The following CCDC150 variants were observed in gnomAD, a reference collection of about 807,000 sequenced individuals.
CCDC150 encodes the protein coiled-coil domain-containing protein 150.
In CCDC150, 151 loss-of-function variants were observed where a neutral mutation model predicts 156.5. The ratio of observed to expected loss-of-function variants is 0.97; its 90% confidence interval spans 0.85 to 1.10. The LOEUF is 1.10. CCDC150 is among the 50% of genes least tolerant of loss of function. The probability of loss-of-function intolerance (pLI) is 0.00; values close to 1 mark genes in which losing one functional copy is unlikely to be tolerated. For missense variants in CCDC150, 1,312 were observed against 1,268.1 expected, an observed-to-expected ratio of 1.03 and a Z score of -0.53; for synonymous variants, 452 against 429.4, an observed-to-expected ratio of 1.05 and a Z score of -0.65.
intron 20 of CCDC150, among the ~76,000 whole-genome samples, chr2:196,721,243 G>A (rs998256917): frequency 1.4e-5 from 2 of 147,386 alleles, no homozygotes; most frequent in African/African-American, 2.5e-5. Context: ...AATTAAGCTG[G>A]GTCTGTTTTC....
chr2:196,641,283 T>C (rs1357789256), intron 1 of CCDC150, among the ~76,000 whole-genome samples: 1 of 152,174 alleles, frequency 6.6e-6, no homozygotes, highest in African/African-American at 2.4e-5. Context: ...AGCCGTATTC[T>C]GGTTTTATTA....
At chr2:196,683,350 A>C (rs899185306) in intron 13 of CCDC150, among the ~76,000 whole-genome samples, 1 of 152,068 alleles carries the variant, frequency 6.6e-6, no homozygotes, top group Non-Finnish European at 1.5e-5. Context: ...CTAAGCTTGC[A>C]TTCCTTGGAT....
intron 18 of CCDC150, among the ~76,000 whole-genome samples, chr2:196,719,065 G>A (rs559709117): frequency 2.0e-5 from 3 of 152,152 alleles, no homozygotes; most frequent in African/African-American, 7.2e-5. Context: ...TCTGAGGAGG[G>A]CTGTGAGTTA....
At position 196,653,325 on chromosome 2, in the gene CCDC150, A is replaced by C. The variant is rs142618778; in HGVS notation, c.177-3308A>C. Among the ~76,000 whole-genome samples the C allele has an allele frequency of 1.1e-3, 170 of 152,206 alleles. No individual in the cohort carries two copies. The East Asian group carries it at 0.023, about 20-fold the overall frequency. On this transcript the variant is annotated intron_variant, in intron 2 of 27. Coordinates refer to ENST00000389175, the MANE Select transcript of CCDC150 (RefSeq NM_001080539.2). ...AACCTTAAGTCATTTCTTTGCTCCT[A>C]TATCTTATTGTAGACTGTTAAGAGC...
Position 196,646,353 on chromosome 2 carries a change from A to C in CCDC150, c.25A>C (p.Thr9Pro). The change falls in exon 2 of 28, where the codon ACT (threonine) becomes CCT (proline). Residue 9 changes from threonine to proline, a missense_variant. Thr to Pro is a conservative substitution (Grantham distance 38). Transcript: ENST00000389175. ...ACTGTATTCTTAGGTACATATGGAA[A>C]CTACAGTGTCCAGACCGGTCCTTTC... is the stretch of plus-strand genomic sequence containing the variant. MDCKVHME[T>P]TVSRPVLSPT... 6.2e-7 allele frequency: 1 copy of C among 1,613,804 alleles called. No homozygotes were observed. Among genetic ancestry groups the C allele is most frequent in the Non-Finnish European group, 8.5e-7 (1 of 1,179,716 alleles).
intron 1 of CCDC150, among the ~76,000 whole-genome samples, chr2:196,640,977 T>TG (rs1468291372): frequency 1.2e-5 from 1 of 82,188 alleles, no homozygotes; most frequent in Non-Finnish European, 2.8e-5. Flanking sequence ...TTCTGTTTTT[T>TG]GTTTTTTTGA....
chr2:196,730,373 A>C (rs1384284709), intron 25 of CCDC150, among the ~76,000 whole-genome samples: 3 of 152,272 alleles, frequency 2.0e-5, no homozygotes, highest in Non-Finnish European at 2.9e-5. Flanking sequence ...ACATATGCAA[A>C]GTATCAGTTA....
At chr2:196,659,839 G>C (rs544539796) in intron 5 of CCDC150, among the ~76,000 whole-genome samples, 1 of 152,164 alleles carries the variant, frequency 6.6e-6, no homozygotes, top group Non-Finnish European at 1.5e-5. Flanking sequence ...ATCATTTAGT[G>C]AAATATGTTA....
intron 3 of CCDC150, 40 bp downstream of exon 3, chr2:196,656,893 G>C (rs1212400356): frequency 1.2e-6 from 2 of 1,610,658 alleles, no homozygotes; most frequent in South Asian, 2.2e-5. Context: ...GTCCTGTATA[G>C]GTGCTTGATT....
intron 7 of CCDC150, among the ~76,000 whole-genome samples, chr2:196,668,967 T>C (rs1159000253): frequency 6.6e-6 from 1 of 152,242 alleles, no homozygotes; most frequent in Non-Finnish European, 1.5e-5. Context: ...TTTCTGGCTT[T>C]AGAATATTTA....
intron 17 of CCDC150, among the ~76,000 whole-genome samples, chr2:196,716,405 T>C (rs1003462856): frequency 2.2e-4 from 33 of 152,306 alleles, no homozygotes; most frequent in African/African-American, 7.9e-4. Flanking sequence ...GTCCCTACAA[T>C]AGAATACTAA....
At chr2:196,714,606 A>G (rs1357829332) in intron 17 of CCDC150, among the ~76,000 whole-genome samples, 1 of 152,180 alleles carries the variant, frequency 6.6e-6, no homozygotes, top group Non-Finnish European at 1.5e-5. Context: ...CTTTTGATCC[A>G]GCTTTGGGAA....
intron 15 of CCDC150, among the ~76,000 whole-genome samples, chr2:196,708,473 GTGTCTTTTA>G (rs1437577492): frequency 6.6e-6 from 1 of 152,142 alleles, no homozygotes; most frequent in Non-Finnish European, 1.5e-5. Flanking sequence ...TTGCTAGTCT[GTGTCTTTTA>G]ATTGGGGCAT....
intron 11 of CCDC150, 57 bp from the exon 12 acceptor site, chr2:196,676,497 T>C: frequency 6.9e-7 from 1 of 1,453,256 alleles, no homozygotes; most frequent in Non-Finnish European, 9.4e-7. Context: ...TAATTGCTCT[T>C]TCTGTTAAAT....
intron 9 of CCDC150, 140 bp downstream of exon 9, chr2:196,672,577 C>T (rs1005924069): frequency 4.1e-6 from 2 of 490,602 alleles, no homozygotes; most frequent in African/African-American, 2.0e-5. Flanking sequence ...AGATTTATTT[C>T]ATCTTTGAAA....
chr2:196,720,807 T>A, intron 20 of CCDC150, 139 bp downstream of exon 20: 2 of 717,984 alleles, frequency 2.8e-6, no homozygotes, highest in Non-Finnish European at 2.3e-6. Context: ...GTGACATATC[T>A]ACAAATGGGA....
At chr2:196,665,896 A>C (rs2125596676) in intron 6 of CCDC150, among the ~76,000 whole-genome samples, 1 of 152,308 alleles carries the variant, frequency 6.6e-6, no homozygotes, top group Non-Finnish European at 1.5e-5. Context: ...CTCTTAATTT[A>C]TGAATCAGAG....
chr2:196,639,884 CG>C lies in CCDC150; in HGVS notation c.12+108del, dbSNP rs143258926. 853 of 1,017,472 alleles carry C rather than the reference CG, an allele frequency of 8.4e-4. 9 individuals are homozygous for C. The African/African-American group carries it at 0.013, about 15-fold the overall frequency. The allele number at this position is 1,017,472 out of a possible 1,614,324, so 63.0% of individuals were successfully genotyped here. On this transcript the variant is annotated intron_variant, in intron 1 of 27. Coordinates refer to ENST00000389175, the MANE Select transcript of CCDC150 (RefSeq NM_001080539.2). ...CCCTGGCGCCCTCTCCCTGTCCTGA[CG>C]GAGTCCAGTCTCACTCCCTGGACCT...
chr2:196,719,709 G>A lies in CCDC150; in HGVS notation c.2165+43G>A, dbSNP rs371674932. The A allele has an allele frequency of 5.6e-6, 8 of 1,416,558 alleles. No homozygotes were observed. The African/African-American group carries it at 1.2e-4, about 21-fold the overall frequency. 87.7% of individuals were successfully genotyped at this position (1,416,558 alleles called of 1,614,324 possible). A position where few individuals can be genotyped will look rare whatever the true frequency, so the allele number is the denominator to read the frequency against. Reference sequence around the variant, plus strand: ...TCCCTGTCATTGGTATTGCTGGATTGTACTAAGGAGCAGTGTCAAGTCAAT... The same window carrying A: ...TCCCTGTCATTGGTATTGCTGGATTATACTAAGGAGCAGTGTCAAGTCAAT... On this transcript the variant is annotated intron_variant, in intron 19 of 27. Coordinates refer to ENST00000389175, the MANE Select transcript of CCDC150 (RefSeq NM_001080539.2).
Sources: allele counts gnomAD v4.1 joint callset (sites outside exome capture counted in the v4.1 genomes callset), GRCh38; gene constraint gnomAD v4.1.1; transcripts MANE v1.5; gene names NCBI Gene and HGNC (gene_info 2026-07-23, HGNC 2026-07-21).